Variants in CSMD3 observed in about 807,000 individuals in gnomAD.
CSMD3 encodes CUB and sushi domain-containing protein 3.
CSMD3 carries 177 observed loss-of-function variants against 435.2 expected under a neutral mutation model. The ratio of observed to expected loss-of-function variants is 0.41; its 90% CI spans 0.36 to 0.46. The LOEUF (loss-of-function observed/expected upper bound fraction) is 0.46, where lower values mean the gene tolerates loss of function less well. CSMD3 is among the 20% of genes least tolerant of loss of function. The pLI, the probability that CSMD3 is intolerant of heterozygous loss-of-function variation, is 0.34. For synonymous variants in CSMD3, 1,656 were observed against 1,520.5 expected (o/e 1.09, Z -2.07); for missense variants, 4,265 against 4,504.6 (o/e 0.95, Z 1.52).
At chr8:113,161,685 T>A (rs553556940) in intron 4 of CSMD3, among the ~76,000 whole-genome samples, 1 of 152,222 alleles carries the variant, frequency 6.6e-6, no homozygotes, top group South Asian at 2.1e-4. Context: ...ATATTTACTG[T>A]CTCTAAAAAA....
rs79643900 is a variant in CSMD3, at chr8:112,752,367, C to A, written c.1972+47795G>T. On this transcript the variant is annotated intron_variant, in intron 13 of 70. Coordinates refer to ENST00000297405, the MANE Select transcript of CSMD3 (RefSeq NM_198123.2). ...TCTCATAATCTTATGCTTTAAGTACCATCCATCTGCTGAACAACCCCCAAA... is the reference window on the plus strand; with the variant it reads ...TCTCATAATCTTATGCTTTAAGTACAATCCATCTGCTGAACAACCCCCAAA... 3.5e-4 allele frequency among the ~76,000 whole-genome samples: 53 copies of A among 152,178 alleles called. No homozygotes were observed. The East Asian group carries it at 0.01, about 29-fold the overall frequency.
In CSMD3 at chr8:113,233,098, T is replaced by A. The variant is rs368447789; in HGVS notation, c.514+45494A>T. Among the ~76,000 whole-genome samples, 327 of 151,978 alleles carry A rather than the reference T, an allele frequency of 2.2e-3. 3 individuals carry two copies. Among genetic ancestry groups the A allele is most frequent in the South Asian group, 0.019 (90 of 4,824 alleles). On this transcript the variant is annotated intron_variant, in intron 3 of 70. Coordinates refer to ENST00000297405, the MANE Select transcript of CSMD3 (RefSeq NM_198123.2). ...TTTTTGGAAGCTTAGTTTTGCTATT[T>A]AAAAAATTAGGTATAATACCTGAAA... is the stretch of plus-strand genomic sequence containing the variant.
chr8:113,111,546 T>C (rs1217802387), intron 4 of CSMD3, among the ~76,000 whole-genome samples: 1 of 152,182 alleles, frequency 6.6e-6, no homozygotes, highest in African/African-American at 2.4e-5. Flanking sequence ...CCAGTTTTGC[T>C]TGTATTTATT....
rs144640582 is a variant in CSMD3, at chr8:112,618,094, G to GA, written c.3715+18722dup. 4.5e-4 allele frequency among the ~76,000 whole-genome samples: 69 copies of GA among 152,074 alleles called. No individual in the cohort carries two copies. In the East Asian group the frequency reaches 0.01, roughly 22 times the overall value. On this transcript the variant is annotated intron_variant, in intron 22 of 70. Coordinates refer to ENST00000297405, the MANE Select transcript of CSMD3 (RefSeq NM_198123.2). ...TAAAGAAAATTCTCTGGATTAAGAT[G>GA]AAAAAGAGATCTCCAGGTTAAAATA... is the stretch of plus-strand genomic sequence containing the variant.
At chr8:112,401,028 G>A (rs757988394) in intron 35 of CSMD3, among the ~76,000 whole-genome samples, 7 of 151,984 alleles carry the variant, frequency 4.6e-5, no homozygotes, top group Non-Finnish European at 7.4e-5. Context: ...CCAATAAGGT[G>A]AAACCCTGTC....
At chr8:113,373,317 T>C (rs1290357234) in intron 1 of CSMD3, among the ~76,000 whole-genome samples, 1 of 152,116 alleles carries the variant, frequency 6.6e-6, no homozygotes, top group African/African-American at 2.4e-5. Context: ...ATTGACTTAT[T>C]TAAAAATAAA....
chr8:112,931,131 C>G (rs139131470), intron 9 of CSMD3, among the ~76,000 whole-genome samples: 1 of 152,082 alleles, frequency 6.6e-6, no homozygotes, highest in Non-Finnish European at 1.5e-5. Context: ...TCTGCCAAAG[C>G]AAACATACCT....
Position 112,812,753 on chromosome 8 carries a change from C to A in CSMD3, c.1860-12479G>T, listed in dbSNP as rs552501703. ...TAATTTAAAAAATGCTTCTTTAATA[C>A]ATGTTTATTTACAGGCTGAGTAACT... On this transcript the variant is annotated intron_variant, in intron 12 of 70. Coordinates refer to ENST00000297405, the MANE Select transcript of CSMD3 (RefSeq NM_198123.2). Among the ~76,000 whole-genome samples the A allele has an allele frequency of 1.2e-4, 18 of 152,226 alleles. No individual in the cohort carries two copies. In the East Asian group the frequency reaches 3.5e-3, roughly 29 times the overall value.
At chr8:112,517,644 A>C (rs1823820077) in intron 27 of CSMD3, among the ~76,000 whole-genome samples, 1 of 152,208 alleles carries the variant, frequency 6.6e-6, no homozygotes, top group South Asian at 2.1e-4. Flanking sequence ...CGATATCAGA[A>C]AACACATGAA....
intron 5 of CSMD3, 59 bp downstream of exon 5, chr8:113,098,697 T>A (rs1442866608): frequency 8.7e-7 from 1 of 1,155,050 alleles, no homozygotes; most frequent in East Asian, 2.4e-5. Flanking sequence ...CAGTTGTTCT[T>A]TGTTCCTTAG....
At chr8:113,133,066 A>G (rs955681115) in intron 4 of CSMD3, among the ~76,000 whole-genome samples, 4 of 152,196 alleles carry the variant, frequency 2.6e-5, no homozygotes, top group Non-Finnish European at 5.9e-5. Flanking sequence ...AAAATAGACA[A>G]ATAGAACCAT....
intron 53 of CSMD3, among the ~76,000 whole-genome samples, chr8:112,300,346 T>G (rs1820798947): frequency 6.6e-6 from 1 of 150,412 alleles, no homozygotes; most frequent in African/African-American, 2.4e-5. Flanking sequence ...AATGCATAAG[T>G]AAACTAAGTA....
chr8:112,656,662 T>G (rs2075265609), intron 17 of CSMD3, among the ~76,000 whole-genome samples: 1 of 152,174 alleles, frequency 6.6e-6, no homozygotes, highest in Admixed American at 6.5e-5. Context: ...GTTGTCTTCC[T>G]TATTTTTATG....
At chr8:113,071,986 T>C (rs535431007) in intron 5 of CSMD3, among the ~76,000 whole-genome samples, 36 of 151,960 alleles carry the variant, frequency 2.4e-4, no homozygotes, top group Admixed American at 3.9e-4. Context: ...TTTAATGTCC[T>C]TCATAAACAT....
chr8:113,332,723 G>A (rs563736086), intron 1 of CSMD3, among the ~76,000 whole-genome samples: 207 of 151,686 alleles, frequency 1.4e-3, no homozygotes, highest in African/African-American at 4.6e-3. Flanking sequence ...TATTCAAGCA[G>A]TACCTTGCAA....
chr8:112,236,495 T>C (rs1482500872), intron 67 of CSMD3, among the ~76,000 whole-genome samples: 1 of 152,100 alleles, frequency 6.6e-6, no homozygotes, highest in Non-Finnish European at 1.5e-5. Context: ...ATATAACAAA[T>C]ATAATTTCAA....
At chr8:113,332,811 G>A (rs1345776784) in intron 1 of CSMD3, among the ~76,000 whole-genome samples, 1 of 151,278 alleles carries the variant, frequency 6.6e-6, no homozygotes, top group African/African-American at 2.4e-5. Context: ...ATGATGCAAG[G>A]GAACCAAAAC....
intron 2 of CSMD3, among the ~76,000 whole-genome samples, chr8:113,295,382 C>A (rs1450125994): frequency 6.6e-6 from 1 of 151,972 alleles, no homozygotes; most frequent in Non-Finnish European, 1.5e-5. Flanking sequence ...CCACAATTTA[C>A]ATATAATATG....
intron 6 of CSMD3, among the ~76,000 whole-genome samples, chr8:113,001,537 T>C (rs2085864268): frequency 6.6e-6 from 1 of 152,104 alleles, no homozygotes; most frequent in African/African-American, 2.4e-5. Flanking sequence ...TCCCTGGCTA[T>C]CTGCCTAATC....
Sources: gnomAD v4.1 joint callset for allele counts (sites outside exome capture counted in the v4.1 genomes callset) on GRCh38, gnomAD v4.1.1 for gene constraint, MANE v1.5 for transcripts, NCBI Gene and HGNC (gene_info 2026-07-23, HGNC 2026-07-21) for gene names.